The following CCSER2 variants were observed in gnomAD, a reference collection of about 807,000 sequenced individuals.
The protein encoded by CCSER2 is coiled-coil serine rich protein 2, also known as serine-rich coiled-coil domain-containing protein 2.
Under a neutral mutation model 92.3 loss-of-function variants are expected in CCSER2, and 46 were observed. That is an observed-to-expected ratio of 0.50 (90% CI 0.39 to 0.64). The LOEUF (loss-of-function observed/expected upper bound fraction) is 0.64. Among genes scored for constraint, CCSER2 ranks in the 30% least tolerant of loss-of-function variants. CCSER2 has a pLI of 0.00. For synonymous variants in CCSER2, 433 were observed against 431.4 expected (o/e 1.00, Z -0.04); for missense variants, 1,244 against 1,238.9 (o/e 1.00, Z -0.06).
chr10:84,350,379 G>T (rs1844795724), intron 1 of CCSER2, among the ~76,000 whole-genome samples: 1 of 150,928 alleles, frequency 6.6e-6, no homozygotes, highest in Non-Finnish European at 1.5e-5. Flanking sequence ...TTATTTAATT[G>T]TTTTTTTTTC....
chr10:84,362,917 A>G (rs996006091), intron 1 of CCSER2, among the ~76,000 whole-genome samples: 1 of 151,696 alleles, frequency 6.6e-6, no homozygotes, highest in African/African-American at 2.4e-5. Flanking sequence ...GGTCACTGCA[A>G]CCTCTGCCTT....
At chr10:84,487,990 G>A (rs1847912007) in intron 9 of CCSER2, among the ~76,000 whole-genome samples, 3 of 152,110 alleles carry the variant, frequency 2.0e-5, no homozygotes, top group South Asian at 4.1e-4. Context: ...TGCATCTATT[G>A]AGATAATCAT....
In CCSER2 at chr10:84,455,980, G is replaced by T. The variant is rs1293994012; in HGVS notation, c.2065-7953G>T. The T allele has an allele frequency of 1.5e-5, 9 of 600,948 alleles. No individual in the cohort carries two copies. The East Asian group carries it at 3.0e-4, about 20-fold the overall frequency. 37.2% of individuals were successfully genotyped at this position (600,948 alleles called of 1,614,324 possible). On this transcript the variant is annotated intron_variant, in intron 6 of 9. Transcript: ENST00000372088. ...ATTTTTTCACCTGTAAGGGCATCAC[G>T]TACTCCTTTCCTAGTAGCCTTCTCC...
At chr10:84,364,891 G>A (rs917253915) in intron 1 of CCSER2, among the ~76,000 whole-genome samples, 1 of 151,582 alleles carries the variant, frequency 6.6e-6, no homozygotes, top group Non-Finnish European at 1.5e-5. Context: ...ACAGGTGTGT[G>A]CCACCATGCC....
intron 3 of CCSER2, among the ~76,000 whole-genome samples, chr10:84,417,338 A>G (rs1842936582): frequency 6.6e-6 from 1 of 152,196 alleles, no homozygotes; most frequent in African/African-American, 2.4e-5. Flanking sequence ...AAGAAAGGAA[A>G]TGGAATAACC....
At chr10:84,394,067 T>C (rs1305111795) in intron 3 of CCSER2, 1 of 152,196 alleles carries the variant, frequency 6.6e-6, no homozygotes, top group Non-Finnish European at 1.5e-5. Flanking sequence ...AATATAACTT[T>C]TAGGTGTGAA....
intron 1 of CCSER2, among the ~76,000 whole-genome samples, chr10:84,361,577 A>T (rs1001582882): frequency 2.0e-5 from 3 of 152,110 alleles, no homozygotes; most frequent in Non-Finnish European, 2.9e-5. Context: ...GTATTGTTGC[A>T]TATAGCAATA....
chr10:84,377,419 C>G (rs1230456326), intron 3 of CCSER2, among the ~76,000 whole-genome samples: 4 of 152,100 alleles, frequency 2.6e-5, no homozygotes, highest in African/African-American at 9.7e-5. Flanking sequence ...TCATCTTTCC[C>G]CCACTGTACT....
rs997718127 is a variant in CCSER2, at chr10:84,518,415, G to A, written c.*4148G>A. 6.6e-6 allele frequency: 1 copy of A among 152,562 alleles called. No individual in the cohort carries two copies. The highest frequency in any genetic ancestry group is 1.5e-5 in the Non-Finnish European group (1 of 68,020). 9.5% of individuals were successfully genotyped at this position (152,562 alleles called of 1,614,324 possible). A position where few individuals can be genotyped will look rare whatever the true frequency, so the allele number is the denominator to read the frequency against. On this transcript the variant is annotated 3_prime_UTR_variant, in exon 10 of 10. Coordinates refer to ENST00000372088, the MANE Select transcript of CCSER2 (RefSeq NM_001284240.2). The stretch of plus-strand genomic sequence containing the variant: ...TTTAAGTCAGTTTAGAGTACAAACT[G>A]TATATTAGAATTTGCCTGTAAAATG...
chr10:84,510,109 A>T (rs1205139704), intron 9 of CCSER2, among the ~76,000 whole-genome samples: 1 of 152,322 alleles, frequency 6.6e-6, no homozygotes, highest in East Asian at 1.9e-4. Flanking sequence ...TTAGCCTGAC[A>T]TGAGTCCTAG....
At chr10:84,460,729 C>G (rs370236808) in intron 6 of CCSER2, among the ~76,000 whole-genome samples, 38 of 152,018 alleles carry the variant, frequency 2.5e-4, no homozygotes, top group African/African-American at 7.7e-4. Context: ...GGAATTTTGC[C>G]ACTTCACATA....
chr10:84,383,380 G>A (rs1466093207), intron 3 of CCSER2, among the ~76,000 whole-genome samples: 3 of 151,392 alleles, frequency 2.0e-5, no homozygotes, highest in South Asian at 4.2e-4. Flanking sequence ...GTGTGATCTC[G>A]GCTCACTGCA....
intron 9 of CCSER2, among the ~76,000 whole-genome samples, chr10:84,481,558 A>T (rs969519647): frequency 6.6e-6 from 1 of 152,196 alleles, no homozygotes; most frequent in Non-Finnish European, 1.5e-5. Context: ...GACTGAACCC[A>T]GCAAGGGAAT....
intron 6 of CCSER2, among the ~76,000 whole-genome samples, chr10:84,451,794 T>C (rs939253645): frequency 6.6e-6 from 1 of 152,232 alleles, no homozygotes; most frequent in African/African-American, 2.4e-5. Context: ...CAGATAGATA[T>C]GTTTTTTATT....
chr10:84,490,160 G>T (rs556679458), intron 9 of CCSER2, among the ~76,000 whole-genome samples: 1 of 152,210 alleles, frequency 6.6e-6, no homozygotes, highest in South Asian at 2.1e-4. Context: ...TTTCTCTCTG[G>T]CTGCCCTTAA....
chr10:84,372,993 A>G (rs1846147329), intron 2 of CCSER2, among the ~76,000 whole-genome samples: 1 of 152,152 alleles, frequency 6.6e-6, no homozygotes, highest in Non-Finnish European at 1.5e-5. Flanking sequence ...AAGAAAGTGA[A>G]ATAATACCTG....
At chr10:84,505,067 T>C (rs1848970388) in intron 9 of CCSER2, among the ~76,000 whole-genome samples, 1 of 152,164 alleles carries the variant, frequency 6.6e-6, no homozygotes, top group Non-Finnish European at 1.5e-5. Flanking sequence ...CTTTTAAATA[T>C]TATGTTATAA....
At chr10:84,384,325 GA>G (rs1475553829) in intron 3 of CCSER2, among the ~76,000 whole-genome samples, 1 of 151,830 alleles carries the variant, frequency 6.6e-6, no homozygotes, top group Non-Finnish European at 1.5e-5. Flanking sequence ...CACAACAAAA[GA>G]AAAAAACTAC....
chr10:84,509,055 T>C (rs1432808002), intron 9 of CCSER2, among the ~76,000 whole-genome samples: 2 of 152,222 alleles, frequency 1.3e-5, no homozygotes, highest in African/African-American at 4.8e-5. Context: ...GAGAGGTACT[T>C]ATGTATAACA....
Sources: allele counts gnomAD v4.1 joint callset (sites outside exome capture counted in the v4.1 genomes callset), GRCh38; gene constraint gnomAD v4.1.1; transcripts MANE v1.5; gene names NCBI Gene and HGNC (gene_info 2026-07-23, HGNC 2026-07-21).